The following TTN variants were observed in gnomAD, a reference collection of about 807,000 sequenced individuals.
TTN encodes the protein connectin.
TTN carries 1,525 observed loss-of-function variants against 3,223.0 expected under a neutral mutation model. That is an observed-to-expected ratio of 0.47 (90% CI 0.45 to 0.49). TTN has a LOEUF of 0.49. TTN is among the 20% of genes least tolerant of loss of function. TTN has a pLI of 0.00. For synonymous variants in TTN, 14,094 were observed against 15,161.0 expected, an observed-to-expected ratio of 0.93 and a Z score of 5.17; for missense variants, 40,786 against 43,424.0, an observed-to-expected ratio of 0.94 and a Z score of 5.40.
intron 347 of TTN, 48 bp from the exon 348 acceptor site, chr2:178,542,997 T>C (rs926566657): frequency 6.5e-7 from 1 of 1,542,058 alleles, no homozygotes; most frequent in Non-Finnish European, 8.7e-7. Flanking sequence ...ATTTTTATGG[T>C]AAATTGTTAC....
intron 278 of TTN, 110 bp from the exon 279 acceptor site, chr2:178,605,823 C>A: frequency 2.2e-6 from 2 of 922,702 alleles, no homozygotes; most frequent in Middle Eastern, 2.8e-4. Context: ...TTTGGCATAA[C>A]CTTACATCCT....
chr2:178,770,478 C>T lies in TTN; in HGVS notation c.8314G>A (p.Val2772Met), dbSNP rs143035953. Residue 2772 changes from valine (V) to methionine (M), a missense_variant, in exon 35 of 363, where the codon GTG (valine) becomes ATG (methionine). Transcript: ENST00000589042. The stretch of plus-strand genomic sequence containing the variant: ...CTGAAGCCATAAACAGACTCATCCA[C>T]GATGGCACAGTTTTTAATCCTCAGA... ...YSLRIKNCAIVDESVYGFRLG... is the reference protein window; with the variant it reads ...YSLRIKNCAIMDESVYGFRLG... 2.5e-4 allele frequency: 398 copies of T among 1,614,124 alleles called. 1 individual carries two copies. The African/African-American group carries it at 4.1e-3, about 17-fold the overall frequency.
intron 259 of TTN, 38 bp from the exon 260 acceptor site, chr2:178,615,006 C>T (rs558464677): frequency 4.5e-5 from 69 of 1,538,048 alleles, no homozygotes; most frequent in Non-Finnish European, 5.5e-5. Context: ...ACTGTGATGT[C>T]GATAATCGTT....
chr2:178,591,135 T>G lies in TTN; in HGVS notation c.60590A>C (p.Lys20197Thr). Residue 20197 changes from lysine (K) to threonine (T), a missense_variant, in exon 304 of 363, where the codon AAG (lysine) becomes ACG (threonine). By Grantham distance (78) the Lys-to-Thr change is moderately conservative (BLOSUM62 -1). Transcript: ENST00000589042. ...TATCACAGGGCTTCCTCCATCATCC[T>G]TAGGTGGCTGCCATGAGATAGTCAT... ...EHMTISWQPP[K>T]DDGGSPVINY... is the part of the protein sequence containing the mutation. 1 of 1,613,300 alleles carries G rather than the reference T, an allele frequency of 6.2e-7. No individual in the cohort carries two copies. The highest frequency in any genetic ancestry group is 8.5e-7 in the Non-Finnish European group (1 of 1,179,516).
In TTN at chr2:178,556,857, C is replaced by T. The variant is rs189202799; in HGVS notation, c.88297G>A (p.Asp29433Asn). 437 of 1,613,372 alleles carry T rather than the reference C, an allele frequency of 2.7e-4. No individual in the cohort carries two copies. In the African/African-American group the frequency reaches 4.7e-3, roughly 17 times the overall value. ...TGCTAAGCATGCTTACCATAAGAAT[C>T]GATGCAAGTAATGGGCCCTACAACC... ...SEVVGPITCI[D>N]SYGGPVIDLP... The change falls in exon 330 of 363, where the codon GAT (aspartate) becomes AAT (asparagine). Residue 29433 changes from aspartate to asparagine, a missense_variant. Asp to Asn is a conservative substitution (Grantham distance 23). Coordinates refer to ENST00000589042, the MANE Select transcript of TTN (RefSeq NM_001267550.2).
rs371825825 is a variant in TTN at position 178,667,795 on chromosome 2, T to C, written c.35546-74A>G. 3.5e-5 allele frequency: 37 copies of C among 1,057,514 alleles called. 1 individual carries two copies. The East Asian group carries it at 5.6e-4, about 16-fold the overall frequency. 65.5% of individuals were successfully genotyped at this position (1,057,514 alleles called of 1,614,324 possible). On this transcript the variant is annotated intron_variant, in intron 159 of 362. Coordinates refer to ENST00000589042, the MANE Select transcript of TTN (RefSeq NM_001267550.2). ...AAGAAGTGTATTAAGAAAAATATAA[T>C]ATATAATACCACATTCATCACCAAA...
intron 47 of TTN, chr2:178,747,081 A>G (rs1415459964): frequency 5.6e-6 from 9 of 1,612,016 alleles, no homozygotes; most frequent in Non-Finnish European, 7.6e-6. Flanking sequence ...GGGGGTGTGG[A>G]ATATCGCTCT....
At chr2:178,767,377 C>T (rs1401751732) in intron 40 of TTN, among the ~76,000 whole-genome samples, 2 of 152,230 alleles carry the variant, frequency 1.3e-5, no homozygotes, top group African/African-American at 4.8e-5. Context: ...ACACTTGCCT[C>T]TCCACAGATA....
Position 178,723,877 on chromosome 2 carries a change from G to C in TTN, c.21382C>G (p.Arg7128Gly), listed in dbSNP as rs727505031. Reference sequence around the variant, plus strand: ...TGACCTTGTACAGTTAGCACTGCACGACATTCATCAGACCCAGCGACATTA... The same window carrying C: ...TGACCTTGTACAGTTAGCACTGCACCACATTCATCAGACCCAGCGACATTA... ...AANVAGSDEC[R>G]AVLTVQEPPS... The change falls in exon 73 of 363, where the codon CGT becomes GGT. Residue 7128 changes from arginine (R) to glycine (G), a missense_variant. Coordinates refer to ENST00000589042, the MANE Select transcript of TTN (RefSeq NM_001267550.2). 6.2e-7 allele frequency: 1 copy of C among 1,611,732 alleles called. No homozygotes were observed. The highest frequency in any genetic ancestry group is 1.1e-5 in the South Asian group (1 of 90,888).
Position 178,733,496 on chromosome 2 carries a change from C to A in TTN, c.15797G>T (p.Arg5266Leu). Reference sequence around the variant, plus strand: ...TGCTGTCACCTGGATCAGTTCTGCTCGCTCAATGATTTTGGCAGGTTCTAC... The same window carrying A: ...TGCTGTCACCTGGATCAGTTCTGCTAGCTCAATGATTTTGGCAGGTTCTAC... The part of the protein sequence containing the change: ...IVKEPAKIIE[R>L]AELIQVTAGD... Residue 5266 changes from arginine (R) to leucine (L), a missense_variant, in exon 54 of 363, where the codon CGA becomes CTA. Arg to Leu is a moderately radical substitution (Grantham distance 102). Coordinates refer to ENST00000589042, the MANE Select transcript of TTN (RefSeq NM_001267550.2). The A allele has an allele frequency of 3.1e-6, 5 of 1,611,338 alleles. No individual in the cohort carries two copies. Among genetic ancestry groups the A allele is most frequent in the Non-Finnish European group, 4.2e-6 (5 of 1,178,086 alleles).
Position 178,677,886 on chromosome 2 carries a change from A to G in TTN, c.34026T>C (p.Pro11342=), listed in dbSNP as rs775256061. ...VPKKREPVPV[P]VALPQEEEVL... ...CTTCCTCTTCCTGAGGTAGAGCTACAGGAACTGGAACTGGTTCACGTTTCT... is the reference window on the plus strand; with the variant it reads ...CTTCCTCTTCCTGAGGTAGAGCTACGGGAACTGGAACTGGTTCACGTTTCT... The change falls in exon 146 of 363, where the codon CCT becomes CCC. Residue 11342 remains proline, a synonymous_variant. Transcript: ENST00000589042. 1.7e-5 allele frequency: 27 copies of G among 1,609,284 alleles called. No homozygotes were observed. Among genetic ancestry groups the G allele is most frequent in the Non-Finnish European group, 4.2e-6 (5 of 1,178,174 alleles).
At position 178,735,926 on chromosome 2, in the gene TTN, G is replaced by T; in HGVS notation, c.14520C>A (p.Asn4840Lys). The T allele has an allele frequency of 6.2e-7, 1 of 1,613,912 alleles. No homozygotes were observed. The highest frequency in any genetic ancestry group is 1.3e-5 in the African/African-American group (1 of 75,058). ...KDGAALSPSP[N>K]WRISDAENKH... ...TGTTTTCTGCGTCGGAAATCCTCCA[G>T]TTAGGTGAAGGTGAGAGTGCAGCAC... The change falls in exon 50 of 363, where the codon AAC becomes AAA. Residue 4840 changes from asparagine to lysine, a missense_variant. Coordinates refer to ENST00000589042, the MANE Select transcript of TTN (RefSeq NM_001267550.2).
intron 21 of TTN, 84 bp downstream of exon 21, chr2:178,781,037 C>A: frequency 1.3e-6 from 2 of 1,590,824 alleles, no homozygotes; most frequent in Non-Finnish European, 1.7e-6. Flanking sequence ...TAAGTGGCAA[C>A]AGGTTTTTCA....
chr2:178,796,751 T>A lies in TTN; in HGVS notation c.915-1499A>T, dbSNP rs569252292. Among the ~76,000 whole-genome samples, 6 of 152,310 alleles carry A rather than the reference T, an allele frequency of 3.9e-5. No homozygotes were observed. In the East Asian group the frequency reaches 1.2e-3, roughly 29 times the overall value. ...AAAAGAGTTAAAGACATGATTAGCA[T>A]GACATGACTGATTAACAGCAGGACA... On this transcript the variant is annotated intron_variant, in intron 6 of 362. Transcript: ENST00000589042.
chr2:178,703,791 T>C (rs977986958), intron 106 of TTN, among the ~76,000 whole-genome samples: 1 of 152,254 alleles, frequency 6.6e-6, no homozygotes. Context: ...TATCAATTCC[T>C]AGCCAAGATC....
chr2:178,636,223 A>G lies in TTN; in HGVS notation c.41348T>C (p.Val13783Ala), dbSNP rs2060418351. The G allele has an allele frequency of 6.3e-7, 1 of 1,580,506 alleles. No homozygotes were observed. Among genetic ancestry groups the G allele is most frequent in the Non-Finnish European group, 8.6e-7 (1 of 1,161,454 alleles). The change falls in exon 226 of 363, where the codon GTA becomes GCA. Residue 13783 changes from valine (V) to alanine (A), a missense_variant. Coordinates refer to ENST00000589042, the MANE Select transcript of TTN (RefSeq NM_001267550.2). The surrounding 1 kb of genome is among the most constrained non-coding windows in gnomAD (Gnocchi z 4.3). ...LVVEELPVRF[V>A]KTLEEEVTVV... is the part of the protein sequence containing the mutation. The stretch of plus-strand genomic sequence containing the variant: ...TGTGACTTCCTCTTCCAGTGTTTTT[A>G]CAAAACGCACAGGAAGTTCTATGGA...
intron 216 of TTN, 39 bp downstream of exon 216, chr2:178,646,446 A>C: frequency 7.6e-7 from 1 of 1,318,686 alleles, no homozygotes; most frequent in Non-Finnish European, 1.1e-6. Flanking sequence ...CAAGAGAAAG[A>C]ATATGATAAA....
Position 178,538,690 on chromosome 2 carries a change from T to C in TTN, c.99139A>G (p.Lys33047Glu). The change falls in exon 354 of 363, where the codon AAG becomes GAG. Residue 33047 changes from lysine (K) to glutamate (E), a missense_variant. By Grantham distance (56) the Lys-to-Glu change is moderately conservative (BLOSUM62 1). Transcript: ENST00000589042. Reference sequence around the variant, plus strand: ...TCCTTAATACGTTCCTTATTGCTCTTCTTCCAGGCACTGTCTCCAGACTGT... The same window carrying C: ...TCCTTAATACGTTCCTTATTGCTCTCCTTCCAGGCACTGTCTCCAGACTGT... ...YRQSGDSAWKKSNKERIKDKQ... is the reference protein window; with the variant it reads ...YRQSGDSAWKESNKERIKDKQ... 6.2e-7 allele frequency: 1 copy of C among 1,613,810 alleles called. No homozygotes were observed.
In TTN at chr2:178,782,815, C is replaced by T. The variant is rs748303934; in HGVS notation, c.3091G>A (p.Ala1031Thr). 5 of 1,612,802 alleles carry T rather than the reference C, an allele frequency of 3.1e-6. No individual in the cohort carries two copies. In the African/African-American group the frequency reaches 4.0e-5, roughly 13 times the overall value. Reference sequence around the variant, plus strand: ...GAGGGTGGCCACTAACCCTGCACAGCCAGATAGCAGGATGTGCTGACGGTT... The same window carrying T: ...GAGGGTGGCCACTAACCCTGCACAGTCAGATAGCAGGATGTGCTGACGGTT... ...AGTVSTSCYL[A>T]VQVSEEFEKE... Residue 1031 changes from alanine to threonine, a missense_variant, in exon 18 of 363, where the codon GCT becomes ACT. Ala to Thr is a moderately conservative substitution (Grantham distance 58). Coordinates refer to ENST00000589042, the MANE Select transcript of TTN (RefSeq NM_001267550.2).
Sources: allele counts gnomAD v4.1 joint callset (sites outside exome capture counted in the v4.1 genomes callset), GRCh38; gene constraint gnomAD v4.1.1; non-coding constraint Gnocchi (gnomAD v3.1); transcripts MANE v1.5; gene names NCBI Gene and HGNC (gene_info 2026-07-23, HGNC 2026-07-21).